MIB1: variants seen among roughly 807,000 people sequenced by gnomAD.
The protein encoded by MIB1 is MIB E3 ubiquitin protein ligase 1.
A neutral mutation model predicts 124.5 loss-of-function variants in MIB1; 278 were observed. The ratio of observed to expected loss-of-function variants is 2.23; its 90% CI spans 2.02 to 2.47. The LOEUF (loss-of-function observed/expected upper bound fraction) is 2.47, where lower values mean the gene tolerates loss of function less well. Ranked by LOEUF, MIB1 falls within the 30% of genes most tolerant of loss-of-function variation. MIB1 has a pLI of 0.00. For missense variants in MIB1, 957 were observed against 1,254.4 expected (o/e 0.76, Z 3.58); for synonymous variants, 446 against 429.4 (o/e 1.04, Z -0.48).
intron 1 of MIB1, among the ~76,000 whole-genome samples, chr18:21,762,584 C>T (rs2041110549): frequency 6.6e-6 from 1 of 152,124 alleles, no homozygotes; most frequent in South Asian, 2.1e-4. Flanking sequence ...GTTTTCTACA[C>T]TGAGTGTATA....
intron 12 of MIB1, among the ~76,000 whole-genome samples, chr18:21,825,021 C>G (rs1488808816): frequency 2.6e-5 from 4 of 151,912 alleles, no homozygotes; most frequent in Non-Finnish European, 5.9e-5. Context: ...GCTGTGAAAA[C>G]AAATATGGAG....
intron 1 of MIB1, among the ~76,000 whole-genome samples, chr18:21,713,120 G>C (rs959037874): frequency 6.6e-6 from 1 of 151,894 alleles, no homozygotes; most frequent in Non-Finnish European, 1.5e-5. Flanking sequence ...ACCATGCCCA[G>C]CTTATTTTTT....
chr18:21,833,092 A>C (rs922439477), intron 12 of MIB1, among the ~76,000 whole-genome samples: 1 of 152,210 alleles, frequency 6.6e-6, no homozygotes, highest in Non-Finnish European at 1.5e-5. Context: ...GTCACTAGCC[A>C]TTGTGGCTAG....
At chr18:21,743,801 A>G (rs926137679) in intron 1 of MIB1, among the ~76,000 whole-genome samples, 3 of 152,182 alleles carry the variant, frequency 2.0e-5, no homozygotes, top group African/African-American at 7.2e-5. Flanking sequence ...AGTGTAACAG[A>G]TTCTTTACTA....
At chr18:21,721,643 A>G (rs1354080792) in intron 1 of MIB1, among the ~76,000 whole-genome samples, 1 of 152,186 alleles carries the variant, frequency 6.6e-6, no homozygotes, top group Non-Finnish European at 1.5e-5. Flanking sequence ...TTGAAAAGCA[A>G]TTGTGTATGT....
rs1013499638 is a variant in MIB1, at chr18:21,814,692, G to A, written c.1480-924G>A. 3.3e-5 allele frequency among the ~76,000 whole-genome samples: 5 copies of A among 151,900 alleles called. No homozygotes were observed. In the East Asian group the frequency reaches 9.7e-4, roughly 29 times the overall value. On this transcript the variant is annotated intron_variant, in intron 10 of 20. Coordinates refer to ENST00000261537, the MANE Select transcript of MIB1 (RefSeq NM_020774.4). ...GGATTCAAGCAGTTCTCCTCCCTCA[G>A]CCTCCCGGGTAGCTGGGATTACAGG...
At chr18:21,787,412 C>A (rs1352247685) in intron 6 of MIB1, among the ~76,000 whole-genome samples, 2 of 152,168 alleles carry the variant, frequency 1.3e-5, no homozygotes, top group East Asian at 3.9e-4. Flanking sequence ...TTTGCTAGTC[C>A]TGTCTCTTCT....
chr18:21,706,523 G>C (rs1001643995), intron 1 of MIB1, among the ~76,000 whole-genome samples: 16 of 152,184 alleles, frequency 1.1e-4, no homozygotes, highest in African/African-American at 3.1e-4. Context: ...AGAGAGAGGC[G>C]TGGGCGGGAA....
intron 6 of MIB1, among the ~76,000 whole-genome samples, chr18:21,780,684 G>A (rs189324650): frequency 5.3e-5 from 8 of 152,304 alleles, no homozygotes; most frequent in Admixed American, 3.3e-4. Flanking sequence ...CTGGTCTCAA[G>A]TGATGTTTCT....
At chr18:21,841,401 ACT>A (rs912513974) in intron 13 of MIB1, among the ~76,000 whole-genome samples, 4 of 152,088 alleles carry the variant, frequency 2.6e-5, no homozygotes, top group African/African-American at 7.2e-5. Flanking sequence ...AGGACAAATA[ACT>A]CTATAAAAAT....
chr18:21,751,607 T>G (rs1027099390), intron 1 of MIB1, among the ~76,000 whole-genome samples: 1 of 152,184 alleles, frequency 6.6e-6, no homozygotes, highest in Non-Finnish European at 1.5e-5. Context: ...ATTGTAGTTC[T>G]TTCTTATTAC....
intron 6 of MIB1, among the ~76,000 whole-genome samples, chr18:21,785,686 T>G (rs1399807050): frequency 6.6e-6 from 1 of 152,182 alleles, no homozygotes; most frequent in Non-Finnish European, 1.5e-5. Flanking sequence ...AATCTGTCTG[T>G]GTAATTACTT....
chr18:21,731,500 G>A (rs1041027985), intron 1 of MIB1, among the ~76,000 whole-genome samples: 21 of 151,480 alleles, frequency 1.4e-4, no homozygotes, highest in Admixed American at 3.9e-4. Flanking sequence ...TTGAGAAGCC[G>A]AGGCGGGTGG....
intron 12 of MIB1, chr18:21,829,121 T>C: frequency 1.2e-5 from 5 of 428,676 alleles, no homozygotes; most frequent in South Asian, 8.9e-5. Context: ...AAACATGAAA[T>C]ATTTTATTTT....
intron 1 of MIB1, among the ~76,000 whole-genome samples, chr18:21,727,836 G>A (rs1409593147): frequency 6.6e-6 from 1 of 152,180 alleles, no homozygotes; most frequent in East Asian, 1.9e-4. Flanking sequence ...GAAGCAAGCT[G>A]CCACGGGTTC....
intron 9 of MIB1, among the ~76,000 whole-genome samples, chr18:21,803,576 A>G (rs1337672163): frequency 6.6e-6 from 1 of 152,116 alleles, no homozygotes; most frequent in Non-Finnish European, 1.5e-5. Flanking sequence ...TCATTGAACC[A>G]TGGACTCAGA....
chr18:21,717,132 GC>G (rs1196287326), intron 1 of MIB1, among the ~76,000 whole-genome samples: 1 of 152,078 alleles, frequency 6.6e-6, no homozygotes, highest in African/African-American at 2.4e-5. Context: ...CTTTGACAAA[GC>G]AAACAAAAAG....
chr18:21,802,774 A>G (rs1332152905), intron 9 of MIB1, among the ~76,000 whole-genome samples: 1 of 152,226 alleles, frequency 6.6e-6, no homozygotes, highest in Non-Finnish European at 1.5e-5. Context: ...GCTGATTGAT[A>G]GCTCTCCTCA....
intron 1 of MIB1, among the ~76,000 whole-genome samples, chr18:21,748,908 T>A (rs2040943284): frequency 6.6e-6 from 1 of 151,782 alleles, no homozygotes. Context: ...AATTTTTTTT[T>A]ATTTTTTATT....
Sources: allele counts gnomAD v4.1 joint callset (sites outside exome capture counted in the v4.1 genomes callset), GRCh38; gene constraint gnomAD v4.1.1; transcripts MANE v1.5; gene names NCBI Gene and HGNC (gene_info 2026-07-23, HGNC 2026-07-21).